The following LRP1B variants were observed in gnomAD, a reference collection of about 807,000 sequenced individuals.
The protein encoded by LRP1B is low-density lipoprotein receptor-related protein 1B.
A neutral mutation model predicts 556.6 loss-of-function variants in LRP1B; 217 were observed. The ratio of observed to expected loss-of-function variants is 0.39; its 90% CI spans 0.35 to 0.44. LRP1B has a LOEUF of 0.44. LRP1B is among the 20% of genes least tolerant of loss of function. The pLI is 1.00. For synonymous variants in LRP1B, 2,047 were observed against 1,865.8 expected (o/e 1.10, Z -2.50); for missense variants, 5,053 against 5,620.8 (o/e 0.90, Z 3.23).
intron 3 of LRP1B, among the ~76,000 whole-genome samples, chr2:141,265,948 G>A (rs1000478551): frequency 4.6e-5 from 7 of 152,126 alleles, no homozygotes; most frequent in Non-Finnish European, 4.4e-5. Context: ...TCCTTTAGTC[G>A]GGTTAGAGCC....
chr2:142,120,246 G>A (rs528546687), intron 1 of LRP1B, among the ~76,000 whole-genome samples: 1 of 152,120 alleles, frequency 6.6e-6, no homozygotes, highest in Non-Finnish European at 1.5e-5. Flanking sequence ...TGAGTAGCTG[G>A]GACTACAGGC....
At chr2:140,560,442 G>T (rs754397056) in intron 43 of LRP1B, among the ~76,000 whole-genome samples, 3 of 152,098 alleles carry the variant, frequency 2.0e-5, no homozygotes, top group Non-Finnish European at 4.4e-5. Flanking sequence ...GGGAAGCTTG[G>T]TCAAGGTTCT....
At position 140,754,465 on chromosome 2, in the gene LRP1B, A is replaced by T. The variant is rs78225669; in HGVS notation, c.5758+14748T>A. On this transcript the variant is annotated intron_variant, in intron 35 of 90. Coordinates refer to ENST00000389484, the MANE Select transcript of LRP1B (RefSeq NM_018557.3). ...ATCAAACTCAATAAGCATTAAAATCATACAAAGTGTGTTCTCTGACAACAA... is the reference window on the plus strand; with the variant it reads ...ATCAAACTCAATAAGCATTAAAATCTTACAAAGTGTGTTCTCTGACAACAA... 5.5e-3 allele frequency among the ~76,000 whole-genome samples: 838 copies of T among 152,336 alleles called. 6 individuals are homozygous for T. The highest frequency in any genetic ancestry group is 9.5e-3 in the Non-Finnish European group (648 of 68,026).
chr2:140,828,041 G>C (rs901321023), intron 31 of LRP1B, among the ~76,000 whole-genome samples: 3 of 151,928 alleles, frequency 2.0e-5, no homozygotes, highest in Non-Finnish European at 4.4e-5. Flanking sequence ...ACATGAAAGA[G>C]AAATACAGTC....
At chr2:140,870,141 A>G (rs551833210) in intron 25 of LRP1B, among the ~76,000 whole-genome samples, 1 of 152,186 alleles carries the variant, frequency 6.6e-6, no homozygotes, top group African/African-American at 2.4e-5. Context: ...TAAACAACAA[A>G]GACAAAAAAA....
At chr2:141,646,674 A>T (rs1168443326) in intron 2 of LRP1B, among the ~76,000 whole-genome samples, 1 of 152,132 alleles carries the variant, frequency 6.6e-6, no homozygotes, top group Non-Finnish European at 1.5e-5. Flanking sequence ...TAGTAATTAC[A>T]CAGTAAAAAG....
chr2:141,860,170 G>A (rs1203884657), intron 1 of LRP1B, among the ~76,000 whole-genome samples: 1 of 152,068 alleles, frequency 6.6e-6, no homozygotes, highest in Non-Finnish European at 1.5e-5. Flanking sequence ...GTGTCTGTGG[G>A]AGTCGGAAAG....
At chr2:142,112,211 C>A (rs939998945) in intron 1 of LRP1B, among the ~76,000 whole-genome samples, 1 of 151,822 alleles carries the variant, frequency 6.6e-6, no homozygotes, top group African/African-American at 2.4e-5. Flanking sequence ...ATCTAGTTTA[C>A]AGAAAATATC....
At chr2:141,606,642 T>C (rs780088605) in intron 2 of LRP1B, among the ~76,000 whole-genome samples, 30 of 152,138 alleles carry the variant, frequency 2.0e-4, no homozygotes, top group Non-Finnish European at 3.5e-4. Flanking sequence ...AAAGGAAATT[T>C]GAGCAAAGAG....
intron 66 of LRP1B, among the ~76,000 whole-genome samples, chr2:140,398,512 T>TC (rs1451892542): frequency 3.4e-5 from 5 of 148,980 alleles, no homozygotes; most frequent in East Asian, 2.1e-4. Flanking sequence ...TTTCTCTTTC[T>TC]TTCTCTTTTG....
intron 7 of LRP1B, among the ~76,000 whole-genome samples, chr2:141,070,971 T>G (rs919480345): frequency 6.6e-6 from 1 of 151,964 alleles, no homozygotes; most frequent in Non-Finnish European, 1.5e-5. Context: ...TTCCAATCCA[T>G]AGAAAAAGAG....
intron 1 of LRP1B, among the ~76,000 whole-genome samples, chr2:142,083,599 A>G (rs1192671539): frequency 6.6e-6 from 1 of 152,192 alleles, no homozygotes; most frequent in Non-Finnish European, 1.5e-5. Flanking sequence ...ATTCAGATGG[A>G]GCTATAGTAT....
At chr2:142,017,450 C>T (rs1049457646) in intron 1 of LRP1B, among the ~76,000 whole-genome samples, 3 of 152,026 alleles carry the variant, frequency 2.0e-5, no homozygotes, top group African/African-American at 7.3e-5. Context: ...TCTAGGATTA[C>T]CTGATTTTAA....
intron 41 of LRP1B, among the ~76,000 whole-genome samples, chr2:140,680,287 G>C (rs546079970): frequency 6.6e-6 from 1 of 152,094 alleles, no homozygotes; most frequent in African/African-American, 2.4e-5. Flanking sequence ...TACGTGCACC[G>C]GAGAAAAACT....
At chr2:141,092,987 A>G (rs1289097789) in intron 7 of LRP1B, among the ~76,000 whole-genome samples, 1 of 152,044 alleles carries the variant, frequency 6.6e-6, no homozygotes, top group Non-Finnish European at 1.5e-5. Flanking sequence ...TTTCTGTGAC[A>G]CAAAGAAGGA....
chr2:140,479,038 G>T (rs1036633532), intron 59 of LRP1B, among the ~76,000 whole-genome samples: 1 of 151,610 alleles, frequency 6.6e-6, no homozygotes. Context: ...TTAAGTATTC[G>T]TCAAGCAGAA....
chr2:141,971,934 TTCTC>T (rs1398155748), intron 1 of LRP1B, among the ~76,000 whole-genome samples: 4 of 151,480 alleles, frequency 2.6e-5, no homozygotes, highest in South Asian at 2.1e-4. Context: ...ATCCGTGCTA[TTCTC>T]TCTGTGTAAA....
chr2:141,476,131 C>T (rs751480126), intron 3 of LRP1B, among the ~76,000 whole-genome samples: 94 of 152,294 alleles, frequency 6.2e-4, no homozygotes, highest in African/African-American at 2.0e-3. Flanking sequence ...TGTGTGTCTG[C>T]GTGCTCCCCT....
intron 2 of LRP1B, among the ~76,000 whole-genome samples, chr2:141,755,991 ATAAAG>A (rs67942692): frequency 0.42 from 63,487 of 151,482 alleles, 13,511 homozygotes; most frequent in East Asian, 0.54. Context: ...CAGAAAAAAG[ATAAAG>A]TAAACAAAAG....
Sources: allele counts gnomAD v4.1 joint callset (sites outside exome capture counted in the v4.1 genomes callset), GRCh38; gene constraint gnomAD v4.1.1; transcripts MANE v1.5; gene names NCBI Gene and HGNC (gene_info 2026-07-23, HGNC 2026-07-21).